Variants in TGFBR2 observed in about 807,000 individuals in gnomAD.
TGFBR2 encodes the protein transforming growth factor beta receptor 2.
In TGFBR2, 18 loss-of-function variants were observed where a neutral mutation model predicts 49.0. The ratio of observed to expected loss-of-function variants is 0.37; its 90% CI spans 0.25 to 0.54. The LOEUF is 0.54. Among genes scored for constraint, TGFBR2 ranks in the 20% least tolerant of loss-of-function variants. The pLI, the probability that TGFBR2 is intolerant of heterozygous loss-of-function variation, is 0.85. For synonymous variants in TGFBR2, 282 were observed against 275.9 expected (o/e 1.02, Z -0.22); for missense variants, 525 against 722.6 (o/e 0.73, Z 3.13).
chr3:30,658,203 C>T lies in TGFBR2; in HGVS notation c.454+7743C>T, dbSNP rs192264646. Among the ~76,000 whole-genome samples the T allele has an allele frequency of 2.7e-4, 41 of 152,220 alleles. 1 individual carries two copies. The highest frequency in any genetic ancestry group is 3.2e-4 in the Non-Finnish European group (22 of 68,032). ...AGATATTCATGGTTTTTGTGTTTCT[C>T]TCTCAAATGCTAACTACCAGAAAAG... is the stretch of plus-strand genomic sequence containing the variant. On this transcript the variant is annotated intron_variant, in intron 3 of 6. Coordinates refer to ENST00000295754, the MANE Select transcript of TGFBR2 (RefSeq NM_003242.6).
intron 6 of TGFBR2, among the ~76,000 whole-genome samples, chr3:30,689,440 A>C (rs952865290): frequency 6.6e-6 from 1 of 152,210 alleles, no homozygotes; most frequent in East Asian, 1.9e-4. Context: ...TCCCTCAACC[A>C]TGAAGGCCGA....
chr3:30,669,291 A>T (rs1699299464), intron 3 of TGFBR2, among the ~76,000 whole-genome samples: 1 of 152,068 alleles, frequency 6.6e-6, no homozygotes, highest in Admixed American at 6.5e-5. Flanking sequence ...AAAGTATCAG[A>T]TGCTGAAGTA....
chr3:30,663,458 G>C (rs1222529434), intron 3 of TGFBR2, among the ~76,000 whole-genome samples: 2 of 152,148 alleles, frequency 1.3e-5, no homozygotes, highest in Non-Finnish European at 2.9e-5. Context: ...CTGATGATTT[G>C]ATTAATTCAG....
intron 3 of TGFBR2, among the ~76,000 whole-genome samples, chr3:30,650,810 G>A (rs1243531700): frequency 6.6e-6 from 1 of 152,166 alleles, no homozygotes; most frequent in African/African-American, 2.4e-5. Context: ...AACATAGAGG[G>A]TGAACCCCAG....
At chr3:30,619,253 A>G (rs1316417237) in intron 1 of TGFBR2, among the ~76,000 whole-genome samples, 1 of 152,146 alleles carries the variant, frequency 6.6e-6, no homozygotes, top group East Asian at 1.9e-4. Context: ...CACAAACCTG[A>G]ACTCTTATAT....
At chr3:30,628,483 T>C (rs1575136345) in intron 1 of TGFBR2, among the ~76,000 whole-genome samples, 1 of 116,722 alleles carries the variant, frequency 8.6e-6, no homozygotes, top group Non-Finnish European at 1.8e-5. Context: ...ATGCTGTGAC[T>C]TAAATCCTCC....
In TGFBR2 at chr3:30,683,432, C is replaced by G. The variant is rs972382752; in HGVS notation, c.1397-4952C>G. Among the ~76,000 whole-genome samples, 10 of 152,268 alleles carry G rather than the reference C, an allele frequency of 6.6e-5. 1 individual carries two copies. Among genetic ancestry groups the G allele is most frequent in the Admixed American group, 4.6e-4 (7 of 15,298 alleles). On this transcript the variant is annotated intron_variant, in intron 5 of 6. Transcript: ENST00000295754. Reference sequence around the variant, plus strand: ...TCATTTCTACTGTATTTTACCAAAGCCTTTATTCCCAATGAATTGAGGGCA... The same window carrying G: ...TCATTTCTACTGTATTTTACCAAAGGCTTTATTCCCAATGAATTGAGGGCA...
At chr3:30,619,893 A>G (rs1275798939) in intron 1 of TGFBR2, among the ~76,000 whole-genome samples, 1 of 152,086 alleles carries the variant, frequency 6.6e-6, no homozygotes, top group East Asian at 1.9e-4. Flanking sequence ...TGTGTGTTTT[A>G]AACTATTTTA....
intron 1 of TGFBR2, among the ~76,000 whole-genome samples, chr3:30,615,702 T>C (rs1698118360): frequency 6.6e-6 from 1 of 151,430 alleles, no homozygotes; most frequent in Non-Finnish European, 1.5e-5. Context: ...ATTTGTAGTA[T>C]TTATAGCTTT....
intron 1 of TGFBR2, among the ~76,000 whole-genome samples, chr3:30,610,328 T>TC (rs1324697438): frequency 1.3e-5 from 2 of 149,586 alleles, no homozygotes; most frequent in Non-Finnish European, 1.5e-5. Flanking sequence ...AAGCCTCATT[T>TC]TTTTTTGTTG....
At chr3:30,618,814 C>T (rs192518669) in intron 1 of TGFBR2, among the ~76,000 whole-genome samples, 473 of 152,210 alleles carry the variant, frequency 3.1e-3, no homozygotes, top group Middle Eastern at 6.8e-3. Context: ...AGTGAAGACC[C>T]AATAAATTTC....
At position 30,672,570 on chromosome 3, in the gene TGFBR2, A is replaced by T; in HGVS notation, c.1254+133A>T. On this transcript the variant is annotated intron_variant, in intron 4 of 6. Transcript: ENST00000295754. The surrounding 1 kb of genome is among the most constrained non-coding windows in gnomAD (Gnocchi z 4.5). ...CTGGTCTAGGGAATCTAGCCAAAGT[A>T]TGGAGTCTGCCTTGAGCATACTCTG... 1 of 1,008,876 alleles carries T rather than the reference A, an allele frequency of 9.9e-7. No individual in the cohort carries two copies. The highest frequency in any genetic ancestry group is 1.6e-6 in the Non-Finnish European group (1 of 644,592). The allele number at this position is 1,008,876 out of a possible 1,614,324, so 62.5% of individuals were successfully genotyped here.
At chr3:30,658,403 C>T (rs571558882) in intron 3 of TGFBR2, among the ~76,000 whole-genome samples, 4 of 152,074 alleles carry the variant, frequency 2.6e-5, no homozygotes, top group African/African-American at 7.2e-5. Flanking sequence ...TTGTTGTTGT[C>T]GTTGTTGTTG....
intron 6 of TGFBR2, among the ~76,000 whole-genome samples, chr3:30,689,743 T>G (rs911015307): frequency 4.6e-5 from 7 of 152,236 alleles, no homozygotes; most frequent in Non-Finnish European, 8.8e-5. Context: ...AGTGTTATGT[T>G]TCTTTCAAAC....
At chr3:30,612,783 T>G (rs1698052713) in intron 1 of TGFBR2, among the ~76,000 whole-genome samples, 1 of 152,154 alleles carries the variant, frequency 6.6e-6, no homozygotes, top group Non-Finnish European at 1.5e-5. Context: ...AGAGCCGACT[T>G]TATCCAACAT....
chr3:30,629,901 G>A (rs750841615), intron 1 of TGFBR2, among the ~76,000 whole-genome samples: 1 of 152,128 alleles, frequency 6.6e-6, no homozygotes, highest in Non-Finnish European at 1.5e-5. Context: ...GTATGAAATC[G>A]GGATGAAGAA....
At chr3:30,657,012 A>C (rs904063196) in intron 3 of TGFBR2, among the ~76,000 whole-genome samples, 1 of 152,038 alleles carries the variant, frequency 6.6e-6, no homozygotes, top group Admixed American at 6.5e-5. Context: ...TTTATGATGA[A>C]GTGAAACCCG....
At chr3:30,680,436 A>G (rs1699520094) in intron 5 of TGFBR2, among the ~76,000 whole-genome samples, 1 of 152,204 alleles carries the variant, frequency 6.6e-6, no homozygotes. Flanking sequence ...TTTATTGAGT[A>G]CCTATTGTGT....
At chr3:30,621,224 C>T (rs891540998) in intron 1 of TGFBR2, among the ~76,000 whole-genome samples, 6 of 151,976 alleles carry the variant, frequency 3.9e-5, no homozygotes, top group African/African-American at 1.5e-4. Context: ...ACTGGTAGTG[C>T]CCTACCTGCT....
Sources: gnomAD v4.1 joint callset for allele counts (sites outside exome capture counted in the v4.1 genomes callset) on GRCh38, gnomAD v4.1.1 for gene constraint, Gnocchi (gnomAD v3.1) non-coding constraint, MANE v1.5 for transcripts, NCBI Gene and HGNC (gene_info 2026-07-23, HGNC 2026-07-21) for gene names.